Variants in LRRTM4 observed in about 807,000 individuals in gnomAD.
LRRTM4 encodes the protein leucine-rich repeat transmembrane neuronal protein 4.
Under a neutral mutation model 47.6 loss-of-function variants are expected in LRRTM4, and 25 were observed. The observed-to-expected ratio is 0.53, with a 90% CI of 0.38 to 0.73. The LOEUF is 0.73. LRRTM4 is among the 30% of genes least tolerant of loss of function. The probability of loss-of-function intolerance (pLI) is 0.00; values close to 1 mark genes in which losing one functional copy is unlikely to be tolerated. For synonymous variants in LRRTM4, 311 were observed against 269.5 expected, an observed-to-expected ratio of 1.15 and a Z score of -1.51; for missense variants, 638 against 713.4, an observed-to-expected ratio of 0.89 and a Z score of 1.20.
At chr2:77,430,580 G>C (rs1675330057) in intron 3 of LRRTM4, among the ~76,000 whole-genome samples, 1 of 150,760 alleles carries the variant, frequency 6.6e-6, no homozygotes, top group Admixed American at 6.6e-5. Context: ...AATTAGACGG[G>C]CGTGGTGGCA....
intron 3 of LRRTM4, among the ~76,000 whole-genome samples, chr2:76,898,973 G>A (rs1388554834): frequency 6.6e-6 from 1 of 151,944 alleles, no homozygotes; most frequent in African/African-American, 2.4e-5. Context: ...TTTATACAAG[G>A]ATGTTCTCTT....
intron 3 of LRRTM4, among the ~76,000 whole-genome samples, chr2:76,994,027 G>T (rs1361094365): frequency 6.6e-6 from 1 of 151,838 alleles, no homozygotes; most frequent in African/African-American, 2.4e-5. Flanking sequence ...AACACCACAT[G>T]TTATCACTTA....
At chr2:77,404,968 C>T (rs549553598) in intron 3 of LRRTM4, among the ~76,000 whole-genome samples, 4 of 152,020 alleles carry the variant, frequency 2.6e-5, no homozygotes, top group Non-Finnish European at 4.4e-5. Context: ...TCCCCCTTTC[C>T]TCCTTTTTAA....
intron 3 of LRRTM4, among the ~76,000 whole-genome samples, chr2:76,841,123 T>C (rs960414286): frequency 1.4e-5 from 2 of 147,016 alleles, no homozygotes; most frequent in African/African-American, 5.3e-5. Flanking sequence ...ATGTCCTTTG[T>C]AGGGACATGG....
intron 3 of LRRTM4, among the ~76,000 whole-genome samples, chr2:77,473,339 G>A (rs1369198654): frequency 6.6e-6 from 1 of 152,074 alleles, no homozygotes; most frequent in Admixed American, 6.6e-5. Context: ...GCAGTTTTAG[G>A]ATAAATAAGC....
At chr2:76,911,113 A>G in intron 3 of LRRTM4, among the ~76,000 whole-genome samples, 1 of 152,306 alleles carries the variant, frequency 6.6e-6, no homozygotes, top group South Asian at 2.1e-4. Context: ...TTTAAAACAT[A>G]TTTTTTGGTT....
At chr2:77,035,116 GGTTT>G (rs1462705966) in intron 3 of LRRTM4, among the ~76,000 whole-genome samples, 2 of 151,370 alleles carry the variant, frequency 1.3e-5, no homozygotes, top group Non-Finnish European at 3.0e-5. Flanking sequence ...ACAATGTGCA[GGTTT>G]GTTACATATG....
chr2:77,310,257 C>T (rs927087852), intron 3 of LRRTM4, among the ~76,000 whole-genome samples: 1 of 152,018 alleles, frequency 6.6e-6, no homozygotes. Flanking sequence ...ATTAATGACT[C>T]CTTTTTGTCA....
At chr2:76,767,580 T>C (rs1179151368) in intron 3 of LRRTM4, among the ~76,000 whole-genome samples, 1 of 152,146 alleles carries the variant, frequency 6.6e-6, no homozygotes, top group Non-Finnish European at 1.5e-5. Flanking sequence ...AAAGCTACAG[T>C]TGGCTGTAGT....
At chr2:77,207,679 T>G (rs964351449) in intron 3 of LRRTM4, among the ~76,000 whole-genome samples, 1 of 151,802 alleles carries the variant, frequency 6.6e-6, no homozygotes, top group Non-Finnish European at 1.5e-5. Context: ...CTGGATGGTA[T>G]GTAGATTTTA....
At chr2:77,100,799 A>G (rs992576727) in intron 3 of LRRTM4, among the ~76,000 whole-genome samples, 3 of 151,794 alleles carry the variant, frequency 2.0e-5, no homozygotes, top group African/African-American at 4.8e-5. Context: ...CTAAGAGATC[A>G]TACAGAAATA....
chr2:77,471,295 C>G (rs925302184), intron 3 of LRRTM4, among the ~76,000 whole-genome samples: 2 of 152,140 alleles, frequency 1.3e-5, no homozygotes, highest in African/African-American at 4.8e-5. Flanking sequence ...ATCCTATTAA[C>G]TCTATTTTCC....
chr2:77,489,775 T>C (rs1202681342), intron 3 of LRRTM4, among the ~76,000 whole-genome samples: 2 of 152,148 alleles, frequency 1.3e-5, no homozygotes, highest in African/African-American at 4.8e-5. Flanking sequence ...GACAGCAAAC[T>C]CTTCCATTTA....
At chr2:77,368,522 A>G (rs1438796754) in intron 3 of LRRTM4, among the ~76,000 whole-genome samples, 4 of 151,822 alleles carry the variant, frequency 2.6e-5, no homozygotes, top group African/African-American at 9.7e-5. Context: ...CAATATTCCT[A>G]TTTACAGATG....
intron 3 of LRRTM4, among the ~76,000 whole-genome samples, chr2:76,894,767 T>C (rs1673357738): frequency 6.6e-6 from 1 of 151,944 alleles, no homozygotes; most frequent in Non-Finnish European, 1.5e-5. Flanking sequence ...ATATCTGTAT[T>C]TGTATATTTA....
At chr2:77,077,876 T>G (rs1172668703) in intron 3 of LRRTM4, among the ~76,000 whole-genome samples, 1 of 152,182 alleles carries the variant, frequency 6.6e-6, no homozygotes, top group Non-Finnish European at 1.5e-5. Flanking sequence ...TCATGGTAAT[T>G]AGCACATGTC....
intron 3 of LRRTM4, among the ~76,000 whole-genome samples, chr2:77,020,511 C>G (rs773465013): frequency 5.9e-5 from 9 of 152,104 alleles, no homozygotes; most frequent in Non-Finnish European, 1.0e-4. Context: ...CCCTCTAACC[C>G]TCTACCAAAT....
intron 3 of LRRTM4, among the ~76,000 whole-genome samples, chr2:77,191,244 T>C (rs1573058345): frequency 1.3e-5 from 2 of 152,078 alleles, no homozygotes; most frequent in African/African-American, 4.8e-5. Context: ...ACCCGAAGTG[T>C]TTCTTTCAAA....
At position 76,802,385 on chromosome 2, in the gene LRRTM4, A is replaced by G. The variant is rs528371437; in HGVS notation, c.1552-53469T>C. ...AACTATTCCATTTACAATATCTACA[A>G]GATAGTCTTAGGAAAAAATTTAACC... On this transcript the variant is annotated intron_variant, in intron 3 of 3. Coordinates refer to ENST00000409884, the MANE Select transcript of LRRTM4 (RefSeq NM_001134745.3). Among the ~76,000 whole-genome samples the G allele has an allele frequency of 7.9e-4, 120 of 152,280 alleles. 2 individuals are homozygous for G. The highest frequency in any genetic ancestry group is 1.5e-3 in the Non-Finnish European group (100 of 68,012).
Sources: allele counts gnomAD v4.1 joint callset (sites outside exome capture counted in the v4.1 genomes callset), GRCh38; gene constraint gnomAD v4.1.1; transcripts MANE v1.5; gene names NCBI Gene and HGNC (gene_info 2026-07-23, HGNC 2026-07-21).